Variants in ADARB2 observed in about 807,000 individuals in gnomAD.
ADARB2 encodes inactive double-stranded RNA-specific editase B2.
Under a neutral mutation model 62.2 loss-of-function variants are expected in ADARB2, and 25 were observed. That is an observed-to-expected ratio of 0.40 (90% CI 0.29 to 0.56). ADARB2 has a LOEUF of 0.56. Among genes scored for constraint, ADARB2 ranks in the 20% least tolerant of loss-of-function variants. The pLI is 0.43. For missense variants in ADARB2, 1,071 were observed against 1,077.4 expected, an observed-to-expected ratio of 0.99 and a Z score of 0.08; for synonymous variants, 572 against 500.8, an observed-to-expected ratio of 1.14 and a Z score of -1.90.
chr10:1,396,567 G>A (rs188225904), intron 1 of ADARB2, among the ~76,000 whole-genome samples: 40 of 151,948 alleles, frequency 2.6e-4, no homozygotes, highest in African/African-American at 9.4e-4. Context: ...CCTACTAACC[G>A]CCCGCCTCTC....
At chr10:1,228,743 C>A (rs997786629) in intron 6 of ADARB2, among the ~76,000 whole-genome samples, 1 of 152,178 alleles carries the variant, frequency 6.6e-6, no homozygotes, top group East Asian at 1.9e-4. Context: ...ATGCGATGCA[C>A]CACGAACACT....
intron 1 of ADARB2, among the ~76,000 whole-genome samples, chr10:1,546,541 A>G (rs1832523605): frequency 6.6e-6 from 1 of 152,238 alleles, no homozygotes; most frequent in South Asian, 2.1e-4. Flanking sequence ...TCCAATCACA[A>G]CACTGCCACC....
chr10:1,501,550 C>A (rs1269710045), intron 1 of ADARB2, among the ~76,000 whole-genome samples: 1 of 152,188 alleles, frequency 6.6e-6, no homozygotes, highest in Non-Finnish European at 1.5e-5. Flanking sequence ...CAAACCAATT[C>A]ATGTGTCTGT....
intron 1 of ADARB2, among the ~76,000 whole-genome samples, chr10:1,725,041 G>C (rs1003186284): frequency 1.3e-5 from 2 of 152,146 alleles, no homozygotes; most frequent in African/African-American, 4.8e-5. Context: ...AGGGCCAAAC[G>C]GACAATCAGT....
At chr10:1,256,770 G>A (rs1302452154) in intron 4 of ADARB2, among the ~76,000 whole-genome samples, 3 of 152,018 alleles carry the variant, frequency 2.0e-5, no homozygotes, top group Non-Finnish European at 1.5e-5. Flanking sequence ...GACAACAAAC[G>A]CTTTGCAATT....
chr10:1,481,717 T>C (rs561411689), intron 1 of ADARB2, among the ~76,000 whole-genome samples: 32 of 151,680 alleles, frequency 2.1e-4, no homozygotes, highest in South Asian at 1.9e-3. Flanking sequence ...ATTAGCTGGG[T>C]ATGGGGGCGG....
At chr10:1,242,055 A>G in intron 5 of ADARB2, 76 bp downstream of exon 5, 3 of 1,468,924 alleles carry the variant, frequency 2.0e-6, no homozygotes, top group East Asian at 4.9e-5. Flanking sequence ...TGAGCCAGGC[A>G]TGGGGCCCCA....
At chr10:1,724,393 C>T (rs1835136422) in intron 1 of ADARB2, among the ~76,000 whole-genome samples, 1 of 152,260 alleles carries the variant, frequency 6.6e-6, no homozygotes, top group African/African-American at 2.4e-5. Context: ...AAGCACTCTT[C>T]TCCCTGAGAG....
chr10:1,265,947 G>C (rs980294532), intron 4 of ADARB2, among the ~76,000 whole-genome samples: 1 of 128,082 alleles, frequency 7.8e-6, no homozygotes, highest in African/African-American at 3.0e-5. Flanking sequence ...AAGACGGCCT[G>C]AGAGGGGGGC....
At chr10:1,673,735 C>A (rs1035514095) in intron 1 of ADARB2, among the ~76,000 whole-genome samples, 12 of 152,320 alleles carry the variant, frequency 7.9e-5, no homozygotes, top group African/African-American at 2.9e-4. Context: ...GGACGGGGAA[C>A]AGGAGCCTTC....
chr10:1,223,476 G>A (rs1415839945), intron 6 of ADARB2, among the ~76,000 whole-genome samples: 1 of 152,112 alleles, frequency 6.6e-6, no homozygotes, highest in African/African-American at 2.4e-5. Flanking sequence ...GGTGAGAGAG[G>A]GCATCCCTCT....
chr10:1,649,628 C>G (rs1265803445), intron 1 of ADARB2, among the ~76,000 whole-genome samples: 1 of 152,206 alleles, frequency 6.6e-6, no homozygotes, highest in African/African-American at 2.4e-5. Flanking sequence ...GACCCTATAA[C>G]CTGGGCCAGA....
intron 1 of ADARB2, among the ~76,000 whole-genome samples, chr10:1,383,092 G>A (rs1172235944): frequency 2.0e-5 from 3 of 152,294 alleles, no homozygotes; most frequent in Non-Finnish European, 4.4e-5. Context: ...ACTCACTGTG[G>A]AATAAATGGC....
intron 1 of ADARB2, among the ~76,000 whole-genome samples, chr10:1,680,204 T>C (rs1313558145): frequency 7.3e-6 from 1 of 137,616 alleles, no homozygotes; most frequent in Non-Finnish European, 1.6e-5. Context: ...CCGCCACTCA[T>C]ACAAACTGCC....
chr10:1,369,860 T>C (rs1832352194), intron 2 of ADARB2, among the ~76,000 whole-genome samples: 1 of 152,156 alleles, frequency 6.6e-6, no homozygotes, highest in Non-Finnish European at 1.5e-5. Context: ...CAGGAAGCTG[T>C]CTCCAAAGCT....
In ADARB2 at chr10:1,633,951, C is replaced by T. The variant is rs901440443; in HGVS notation, c.100+103100G>A. Among the ~76,000 whole-genome samples the T allele has an allele frequency of 1.6e-4, 24 of 152,150 alleles. 1 individual carries two copies. Among genetic ancestry groups the T allele is most frequent in the Admixed American group, 2.6e-4 (4 of 15,278 alleles). On this transcript the variant is annotated intron_variant, in intron 1 of 9. Transcript: ENST00000381312. ...ACCCGCCATCCTACATGGCACCTCACGAGCCCCATGGAGCTCCTTGCCAGC... is the reference window on the plus strand; with the variant it reads ...ACCCGCCATCCTACATGGCACCTCATGAGCCCCATGGAGCTCCTTGCCAGC...
At chr10:1,672,116 A>G (rs1650050483) in intron 1 of ADARB2, among the ~76,000 whole-genome samples, 1 of 151,052 alleles carries the variant, frequency 6.6e-6, no homozygotes, top group South Asian at 2.1e-4. Flanking sequence ...GCCCTACCCC[A>G]TCCCCGAGAG....
At chr10:1,710,822 T>C (rs935156215) in intron 1 of ADARB2, among the ~76,000 whole-genome samples, 1 of 152,092 alleles carries the variant, frequency 6.6e-6, no homozygotes, top group Admixed American at 6.6e-5. Flanking sequence ...GGCTTCACCT[T>C]CACTCCTTGT....
chr10:1,494,255 C>G (rs1831660431), intron 1 of ADARB2, among the ~76,000 whole-genome samples: 2 of 152,020 alleles, frequency 1.3e-5, no homozygotes, highest in African/African-American at 4.8e-5. Flanking sequence ...AGGAATGAGC[C>G]CATAGACAAT....
Sources: allele counts gnomAD v4.1 joint callset (sites outside exome capture counted in the v4.1 genomes callset), GRCh38; gene constraint gnomAD v4.1.1; transcripts MANE v1.5; gene names NCBI Gene and HGNC (gene_info 2026-07-23, HGNC 2026-07-21).